The following FAM83E variants were observed in gnomAD, a reference collection of about 807,000 sequenced individuals.
FAM83E encodes scaffolding CK1 anchoring protein E, also known as protein FAM83E.
In FAM83E, 29 loss-of-function variants were observed where a neutral mutation model predicts 34.3. The observed-to-expected ratio is 0.85, with a 90% confidence interval of 0.63 to 1.15. The LOEUF (loss-of-function observed/expected upper bound fraction) is 1.15, where lower values mean the gene tolerates loss of function less well. Among genes scored for constraint, FAM83E ranks in the 50% most tolerant of loss-of-function variants. The pLI, the probability that FAM83E is intolerant of heterozygous loss-of-function variation, is 0.00. For missense variants in FAM83E, 697 were observed against 685.0 expected, an observed-to-expected ratio of 1.02 and a Z score of -0.20; for synonymous variants, 312 against 311.6, an observed-to-expected ratio of 1.00 and a Z score of -0.01.
Position 48,607,036 on chromosome 19 carries a change from G to A in FAM83E, c.758+2840C>T, listed in dbSNP as rs200190821. 36 of 1,612,214 alleles carry A rather than the reference G, an allele frequency of 2.2e-5. No homozygotes were observed. The highest frequency in any genetic ancestry group is 1.3e-4 in the East Asian group (6 of 44,880). ...GGCTCTGCCCCCAGGCACGACGGGC[G>A]TCAAGGACTGCGTCTTCTGTGAGCT... On this transcript the variant is annotated intron_variant, in intron 5 of 6. Coordinates refer to ENST00000263266, the MANE Select transcript of FAM83E (RefSeq NM_017708.4).
At chr19:48,606,117 C>A (rs549273234) in intron 5 of FAM83E, among the ~76,000 whole-genome samples, 9 of 152,056 alleles carry the variant, frequency 5.9e-5, no homozygotes, top group African/African-American at 2.2e-4. Context: ...TCGCAACCAG[C>A]CTGGCCTACA....
chr19:48,609,826 A>T (rs1257889780), intron 5 of FAM83E, 50 bp downstream of exon 5: 1 of 1,591,912 alleles, frequency 6.3e-7, no homozygotes, highest in Non-Finnish European at 8.6e-7. Context: ...ACACTGAGGG[A>T]AAGTGGGGTA....
chr19:48,604,765 T>C (rs1380009474), intron 5 of FAM83E, among the ~76,000 whole-genome samples: 1 of 145,926 alleles, frequency 6.9e-6, no homozygotes, highest in Non-Finnish European at 1.5e-5. Context: ...CTCACTCCTG[T>C]AATCCCAGCA....
At position 48,602,698 on chromosome 19, in the gene FAM83E, AAAAAAAATATATATATATATAT is replaced by A. The variant is rs1310804745; in HGVS notation, c.1176+774_1176+795del. 1.6e-4 allele frequency among the ~76,000 whole-genome samples: 5 copies of A among 30,940 alleles called. 1 individual carries two copies. Among genetic ancestry groups the A allele is most frequent in the Non-Finnish European group, 3.3e-4 (5 of 15,050 alleles). The allele number at this position is 30,940 out of a possible 152,430, so 20.3% of individuals were successfully genotyped here. A position where few individuals can be genotyped will look rare whatever the true frequency, so the allele number is the denominator to read the frequency against. On this transcript the variant is annotated intron_variant, in intron 6 of 6. Coordinates refer to ENST00000263266, the MANE Select transcript of FAM83E (RefSeq NM_017708.4). ...CAAGACCCTATCTCAAAAAAAAAAA[AAAAAAAATATATATATATATAT>A]ATATATATATATATATATATATATA...
At chr19:48,607,297 G>T (rs1973950363) in intron 5 of FAM83E, 1 of 1,597,478 alleles carries the variant, frequency 6.3e-7, no homozygotes, top group African/African-American at 1.3e-5. Flanking sequence ...GACAGTGGGG[G>T]CCACCACCAG....
At chr19:48,611,174 T>G (rs970705824) in intron 3 of FAM83E, among the ~76,000 whole-genome samples, 3 of 141,212 alleles carry the variant, frequency 2.1e-5, no homozygotes, top group Non-Finnish European at 4.7e-5. Context: ...TTTTTTGTTG[T>G]TTTTTTTTTT....
At chr19:48,609,793 G>C (rs1974007074) in intron 5 of FAM83E, 83 bp downstream of exon 5, 3 of 1,450,826 alleles carry the variant, frequency 2.1e-6, no homozygotes, top group Admixed American at 1.7e-5. Flanking sequence ...CCTGGGCAAG[G>C]GGATGCCAGC....
At chr19:48,605,293 C>T (rs1345034084) in intron 5 of FAM83E, among the ~76,000 whole-genome samples, 1 of 152,094 alleles carries the variant, frequency 6.6e-6, no homozygotes, top group Non-Finnish European at 1.5e-5. Flanking sequence ...CCTAGGAAGG[C>T]CGTGTGCAGT....
chr19:48,602,858 A>ATTT (rs1048085844), intron 6 of FAM83E, among the ~76,000 whole-genome samples: 6 of 136,304 alleles, frequency 4.4e-5, no homozygotes, highest in African/African-American at 1.7e-4. Flanking sequence ...TATTATTATT[A>ATTT]TTATTATTAT....
intron 5 of FAM83E, among the ~76,000 whole-genome samples, chr19:48,608,278 A>AT (rs1568420194): frequency 2.0e-5 from 3 of 147,384 alleles, no homozygotes. Flanking sequence ...TCTAATTTTT[A>AT]TTTTTTTAAA....
chr19:48,610,053 T>G (rs920639788), intron 4 of FAM83E, 53 bp from the exon 5 acceptor site: 70 of 1,591,200 alleles, frequency 4.4e-5, no homozygotes, highest in Non-Finnish European at 5.5e-5. Flanking sequence ...ACTGCATGGA[T>G]TCAGGCTCCC....
chr19:48,600,107 G>C lies in FAM83E; in HGVS notation c.*1002C>G, dbSNP rs115656155. Reference sequence around the variant, plus strand: ...CCACTCCCTCAGTATTCAGCTCCTTGCCTCAGTTTCCCCACAGCTCCTGAA... The same window carrying C: ...CCACTCCCTCAGTATTCAGCTCCTTCCCTCAGTTTCCCCACAGCTCCTGAA... On this transcript the variant is annotated 3_prime_UTR_variant, in exon 7 of 7. Transcript: ENST00000263266. 6.3e-3 allele frequency among the ~76,000 whole-genome samples: 957 copies of C among 152,244 alleles called. 9 individuals are homozygous for C. The highest frequency in any genetic ancestry group is 0.022 in the African/African-American group (911 of 41,538).
At chr19:48,602,702 AAAATAT>A (rs1973842686) in intron 6 of FAM83E, among the ~76,000 whole-genome samples, 4 of 42,864 alleles carry the variant, frequency 9.3e-5, no homozygotes, top group Non-Finnish European at 1.6e-4. Flanking sequence ...AAAAAAAAAA[AAAATAT>A]ATATATATAT....
intron 6 of FAM83E, among the ~76,000 whole-genome samples, chr19:48,602,291 T>G (rs1601121462): frequency 2.9e-5 from 4 of 137,050 alleles, no homozygotes; most frequent in Non-Finnish European, 3.1e-5. Flanking sequence ...AGGGGAAGGA[T>G]GAGGTGAGGA....
In FAM83E at chr19:48,614,815, C is replaced by CTGGCCTCACTCATCAG. The variant is rs1974120295; in HGVS notation, c.-1379_-1364dup. Reference sequence around the variant, plus strand: ...CTACTTCTGCGGTGCTTCCCGGCTTCTGGCCTCACTCATCAGGCCTCGACC... The same window carrying CTGGCCTCACTCATCAG: ...CTACTTCTGCGGTGCTTCCCGGCTTCTGGCCTCACTCATCAGTGGCCTCACTCATCAGGCCTCGACC... On this transcript the variant is annotated 5_prime_UTR_variant, in exon 2 of 7. The change creates a new upstream start codon in the 5' untranslated region. Coordinates refer to ENST00000263266, the MANE Select transcript of FAM83E (RefSeq NM_017708.4). 1.0e-6 allele frequency: 1 copy of CTGGCCTCACTCATCAG among 984,954 alleles called. No homozygotes were observed. The highest frequency in any genetic ancestry group is 1.7e-5 in the African/African-American group (1 of 57,248). 61.0% of individuals were successfully genotyped at this position (984,954 alleles called of 1,614,324 possible). A position where few individuals can be genotyped will look rare whatever the true frequency, so the allele number is the denominator to read the frequency against.
rs1974093814 is a variant in FAM83E at position 48,613,750 on chromosome 19, C to G, written c.-378G>C. On this transcript the variant is annotated 5_prime_UTR_variant, in exon 3 of 7. Transcript: ENST00000263266. ...CCATCAGCTGGCCATCTCTGCTCAG[C>G]CACACGACAGCCTCCAACCCACCAG... is the stretch of plus-strand genomic sequence containing the variant. 1 of 985,288 alleles carries G rather than the reference C, an allele frequency of 1.0e-6. No homozygotes were observed. The highest frequency in any genetic ancestry group is 1.7e-5 in the African/African-American group (1 of 57,232). 61.0% of individuals were successfully genotyped at this position (985,288 alleles called of 1,614,324 possible).
Position 48,600,879 on chromosome 19 carries a change from C to T in FAM83E, c.*230G>A. The T allele has an allele frequency of 1.2e-6, 1 of 867,240 alleles. No homozygotes were observed. Among genetic ancestry groups the T allele is most frequent in the Non-Finnish European group, 1.6e-6 (1 of 627,278 alleles). 53.7% of individuals were successfully genotyped at this position (867,240 alleles called of 1,614,324 possible). A position where few individuals can be genotyped will look rare whatever the true frequency, so the allele number is the denominator to read the frequency against. ...TGTTGCCCAGGCTGGTCTCCAACTCCTGGCCTTAAGCAACCCTCCCACCTT... is the reference window on the plus strand; with the variant it reads ...TGTTGCCCAGGCTGGTCTCCAACTCTTGGCCTTAAGCAACCCTCCCACCTT... On this transcript the variant is annotated 3_prime_UTR_variant, in exon 7 of 7. Transcript: ENST00000263266.
At chr19:48,611,335 A>AT (rs1196867535) in intron 3 of FAM83E, among the ~76,000 whole-genome samples, 3 of 143,794 alleles carry the variant, frequency 2.1e-5, no homozygotes, top group Non-Finnish European at 4.6e-5. Flanking sequence ...CGCCCAGCTA[A>AT]TTTTTTGTAT....
chr19:48,607,066 G>A lies in FAM83E; in HGVS notation c.758+2810C>T, dbSNP rs753110733. The A allele has an allele frequency of 2.6e-5, 42 of 1,612,974 alleles. No individual in the cohort carries two copies. The South Asian group carries it at 3.1e-4, about 12-fold the overall frequency. ...GGACTGCGTCTTCTGTGAGCTCACC[G>A]ACTCCATGCAGTGTCCTGGTACCTA... On this transcript the variant is annotated intron_variant, in intron 5 of 6. Transcript: ENST00000263266.
Sources: gnomAD v4.1 joint callset for allele counts (sites outside exome capture counted in the v4.1 genomes callset) on GRCh38, gnomAD v4.1.1 for gene constraint, MANE v1.5 for transcripts, NCBI Gene and HGNC (gene_info 2026-07-23, HGNC 2026-07-21) for gene names.